GSE1: variants seen among roughly 807,000 people sequenced by gnomAD.
The protein encoded by GSE1 is genetic suppressor element 1.
Under a neutral mutation model 112.6 loss-of-function variants are expected in GSE1, and 32 were observed. That is an observed-to-expected ratio of 0.28 (90% CI 0.21 to 0.38). The LOEUF (loss-of-function observed/expected upper bound fraction) is 0.38. Ranked by LOEUF, GSE1 falls within the 10% of genes least tolerant of loss-of-function variation. The pLI, the probability that GSE1 is intolerant of heterozygous loss-of-function variation, is 1.00. For synonymous variants in GSE1, 1,115 were observed against 735.6 expected (o/e 1.52, Z -8.35); for missense variants, 2,348 against 1,699.2 (o/e 1.38, Z -6.71).
At chr16:85,667,369 G>A (rs1201259926) in intron 13 of GSE1, among the ~76,000 whole-genome samples, 1 of 152,250 alleles carries the variant, frequency 6.6e-6, no homozygotes, top group Non-Finnish European at 1.5e-5. Flanking sequence ...ATCCCCACGG[G>A]AGGCCAGGTG....
At chr16:85,323,608 T>G (rs2046162504) in intron 1 of GSE1, among the ~76,000 whole-genome samples, 1 of 152,088 alleles carries the variant, frequency 6.6e-6, no homozygotes. Context: ...GCCTATGTGG[T>G]GGGAACCTGC....
chr16:85,552,705 G>T (rs890911650), upstream of GSE1, among the ~76,000 whole-genome samples: 2 of 152,172 alleles, frequency 1.3e-5, no homozygotes, highest in African/African-American at 4.8e-5. Context: ...CAGACTAAAG[G>T]CCCCTTTCCC....
At chr16:85,548,023 C>T (rs537794073) in intron 2 of GSE1, among the ~76,000 whole-genome samples, 25 of 151,628 alleles carry the variant, frequency 1.6e-4, no homozygotes, top group Admixed American at 9.2e-4. Context: ...GTCAGGATAT[C>T]GAGACCATCC....
chr16:85,609,910 G>GC (rs895563604), upstream of GSE1, among the ~76,000 whole-genome samples: 3 of 152,056 alleles, frequency 2.0e-5, no homozygotes, highest in African/African-American at 2.4e-5. Context: ...GCCTATCTTG[G>GC]CCCCCCCAAA....
chr16:85,443,168 G>T (rs1482414572), intron 2 of GSE1, among the ~76,000 whole-genome samples: 1 of 152,198 alleles, frequency 6.6e-6, no homozygotes, highest in Non-Finnish European at 1.5e-5. Context: ...GGTTGGGGGG[G>T]CACCGGCCAG....
intron 2 of GSE1, among the ~76,000 whole-genome samples, chr16:85,407,321 G>A (rs1363758588): frequency 1.1e-4 from 3 of 26,242 alleles, no homozygotes; most frequent in Admixed American, 1.0e-3. Context: ...AATCCTCACT[G>A]TTACTCTCAG....
chr16:85,353,281 C>T (rs951301618), intron 1 of GSE1, among the ~76,000 whole-genome samples: 1 of 152,250 alleles, frequency 6.6e-6, no homozygotes, highest in Admixed American at 6.5e-5. Context: ...ATTCATTTGT[C>T]TGTAGGACTG....
At chr16:85,408,168 A>G (rs2048364365) in intron 2 of GSE1, among the ~76,000 whole-genome samples, 1 of 32,712 alleles carries the variant, frequency 3.1e-5, no homozygotes, top group Non-Finnish European at 5.6e-5. Context: ...GGCCCCCCGG[A>G]TAATCCTCAC....
chr16:85,541,414 G>A (rs1001834379), intron 2 of GSE1, among the ~76,000 whole-genome samples: 2 of 152,252 alleles, frequency 1.3e-5, no homozygotes, highest in African/African-American at 2.4e-5. Flanking sequence ...CACCTGGCTG[G>A]CACAGGCCTC....
intron 2 of GSE1, among the ~76,000 whole-genome samples, chr16:85,634,956 G>A (rs980595662): frequency 3.9e-5 from 6 of 152,232 alleles, no homozygotes; most frequent in Middle Eastern, 3.4e-3. Flanking sequence ...GACAGGCGGG[G>A]GGGCTGAGGA....
In GSE1 at chr16:85,657,315, G is replaced by T. The variant is rs754782976; in HGVS notation, c.1351G>T (p.Val451Phe). The T allele has an allele frequency of 2.5e-6, 4 of 1,598,794 alleles. No individual in the cohort carries two copies. Among genetic ancestry groups the T allele is most frequent in the African/African-American group, 2.7e-5 (2 of 74,270 alleles). Reference sequence around the variant, plus strand: ...TGCCGGCCTGCAGGCGCCCAAGCCCGTCCAACACCCCTTGCATCCGGTGCC... The same window carrying T: ...TGCCGGCCTGCAGGCGCCCAAGCCCTTCCAACACCCCTTGCATCCGGTGCC... ...KDAGLQAPKP[V>F]QHPLHPVPTP... The change falls in exon 8 of 16, where the codon GTC becomes TTC. Residue 451 changes from valine to phenylalanine, a missense_variant. Physicochemically the swap from Val to Phe is conservative, Grantham distance 50 (BLOSUM62 -1). Transcript: ENST00000253458.
rs548617841 is a variant in GSE1, at chr16:85,662,128, G to T, written c.2260+363G>T. On this transcript the variant is annotated intron_variant, in intron 9 of 15. Coordinates refer to ENST00000253458, the MANE Select transcript of GSE1 (RefSeq NM_014615.5). ...CAGGAGAGCCGGCCTGGGCTCAGCG[G>T]GGGCTCCACATACAGGGCCGCTGCC... Among the ~76,000 whole-genome samples, 345 of 152,322 alleles carry T rather than the reference G, an allele frequency of 2.3e-3. 1 individual carries two copies. The highest frequency in any genetic ancestry group is 8.0e-3 in the African/African-American group (333 of 41,574).
chr16:85,378,077 A>AC (rs1191647441), intron 2 of GSE1, among the ~76,000 whole-genome samples: 2 of 151,896 alleles, frequency 1.3e-5, no homozygotes, highest in Non-Finnish European at 2.9e-5. Flanking sequence ...TTGGAGACAG[A>AC]CCCCCACCCC....
chr16:85,519,168 G>T (rs983572242), intron 2 of GSE1, among the ~76,000 whole-genome samples: 1 of 148,050 alleles, frequency 6.8e-6, no homozygotes, highest in Non-Finnish European at 1.5e-5. Context: ...TAGGTTCTAG[G>T]TATTTGTAAA....
chr16:85,660,304 C>G (rs972815048), intron 8 of GSE1, among the ~76,000 whole-genome samples: 1 of 152,180 alleles, frequency 6.6e-6, no homozygotes, highest in Non-Finnish European at 1.5e-5. Flanking sequence ...AGGCTGGGAG[C>G]CTCCCTATCC....
rs148332213 is a variant in GSE1, at chr16:85,208,312, G to T, written c.2283+36505G>T. The stretch of plus-strand genomic sequence containing the variant: ...ACGTCGCTGGCGGAAGGAATCATCA[G>T]TGCTCCCTGAACGGTCTGCGGAGTT... On this transcript the variant is annotated intron_variant, in intron 1 of 2. Transcript: ENST00000637419. Among the ~76,000 whole-genome samples, 1,020 of 152,294 alleles carry T rather than the reference G, an allele frequency of 6.7e-3. 12 individuals carry two copies. Among genetic ancestry groups the T allele is most frequent in the African/African-American group, 0.019 (810 of 41,560 alleles).
intron 1 of GSE1, among the ~76,000 whole-genome samples, chr16:85,202,621 G>A (rs956388906): frequency 6.6e-6 from 1 of 152,222 alleles, no homozygotes; most frequent in Admixed American, 6.5e-5. Flanking sequence ...CAGTGATGGG[G>A]CTGCCAGCAT....
Position 85,229,857 on chromosome 16 carries a change from C to T in GSE1, c.2283+58050C>T, listed in dbSNP as rs1009282230. Among the ~76,000 whole-genome samples, 7 of 152,368 alleles carry T rather than the reference C, an allele frequency of 4.6e-5. No homozygotes were observed. The South Asian group carries it at 6.2e-4, about 14-fold the overall frequency. On this transcript the variant is annotated intron_variant, in intron 1 of 2. Coordinates refer to the GSE1 transcript ENST00000637419. ...CGGCTCCAAACATCACATTCTCACACGATAGCATCCAAAAGCAGGGTGAGA... is the reference window on the plus strand; with the variant it reads ...CGGCTCCAAACATCACATTCTCACATGATAGCATCCAAAAGCAGGGTGAGA...
At chr16:85,423,737 C>T (rs2048905129) in intron 2 of GSE1, among the ~76,000 whole-genome samples, 1 of 152,172 alleles carries the variant, frequency 6.6e-6, no homozygotes, top group Non-Finnish European at 1.5e-5. Flanking sequence ...TCTCTGTCGC[C>T]GCATCCATCC....
Sources: allele counts gnomAD v4.1 joint callset (sites outside exome capture counted in the v4.1 genomes callset), GRCh38; gene constraint gnomAD v4.1.1; transcripts MANE v1.5; gene names NCBI Gene and HGNC (gene_info 2026-07-23, HGNC 2026-07-21).